Variants in GRXCR1 observed in about 807,000 individuals in gnomAD.
GRXCR1 encodes glutaredoxin and cysteine rich domain containing 1.
Under a neutral mutation model 27.3 loss-of-function variants are expected in GRXCR1, and 27 were observed. The observed-to-expected ratio is 0.99, with a 90% CI of 0.73 to 1.37. GRXCR1 has a LOEUF of 1.37. GRXCR1 is among the 40% of genes most tolerant of loss of function. The probability of loss-of-function intolerance (pLI) is 0.00; values close to 1 mark genes in which losing one functional copy is unlikely to be tolerated. For synonymous variants in GRXCR1, 122 were observed against 131.1 expected (o/e 0.93, Z 0.47); for missense variants, 379 against 354.4 (o/e 1.07, Z -0.56).
intron 2 of GRXCR1, among the ~76,000 whole-genome samples, chr4:42,988,325 C>T (rs867412755): frequency 1.3e-5 from 2 of 152,002 alleles, no homozygotes; most frequent in African/African-American, 4.8e-5. Flanking sequence ...CAGAGTGACA[C>T]CACATTTCCG....
At chr4:42,972,565 A>G (rs563429753) in intron 2 of GRXCR1, among the ~76,000 whole-genome samples, 30 of 152,316 alleles carry the variant, frequency 2.0e-4, no homozygotes, top group African/African-American at 7.2e-4. Flanking sequence ...CATAAGAACA[A>G]TGACAATGAT....
intron 1 of GRXCR1, among the ~76,000 whole-genome samples, chr4:42,955,539 C>A (rs1747982101): frequency 6.6e-6 from 1 of 152,040 alleles, no homozygotes; most frequent in Non-Finnish European, 1.5e-5. Flanking sequence ...TCTAATTTTG[C>A]TGAACGTCAA....
At chr4:42,908,780 A>G (rs940434864) in intron 1 of GRXCR1, among the ~76,000 whole-genome samples, 2 of 152,220 alleles carry the variant, frequency 1.3e-5, no homozygotes, top group Non-Finnish European at 2.9e-5. Flanking sequence ...AACAAATTGC[A>G]TGAATACAGG....
intron 2 of GRXCR1, among the ~76,000 whole-genome samples, chr4:42,973,787 C>A (rs1440777394): frequency 6.6e-6 from 1 of 152,044 alleles, no homozygotes; most frequent in Admixed American, 6.6e-5. Flanking sequence ...GTTATTTGAT[C>A]CCCTTTCAAT....
chr4:42,914,039 A>G (rs745798824), intron 1 of GRXCR1, among the ~76,000 whole-genome samples: 6 of 152,242 alleles, frequency 3.9e-5, no homozygotes, highest in Non-Finnish European at 5.9e-5. Context: ...ATTTCCAGGC[A>G]GAAGTTTGCT....
At chr4:42,987,222 T>TATATATATTATATA (rs369022273) in intron 2 of GRXCR1, among the ~76,000 whole-genome samples, 10 of 100,594 alleles carry the variant, frequency 9.9e-5, no homozygotes, top group African/African-American at 3.4e-4. Context: ...TATATATATA[T>TATATATATTATATA]TATATATTAT....
chr4:42,987,241 A>ATATTATATAT (rs1276367661), intron 2 of GRXCR1, among the ~76,000 whole-genome samples: 1 of 66,466 alleles, frequency 1.5e-5, no homozygotes, highest in East Asian at 4.0e-4. Context: ...ATATATATAT[A>ATATTATATAT]ATATATAATA....
chr4:42,913,165 T>G (rs996645626), intron 1 of GRXCR1, among the ~76,000 whole-genome samples: 2 of 152,108 alleles, frequency 1.3e-5, no homozygotes, highest in Admixed American at 1.3e-4. Context: ...AATAAATCAG[T>G]ACCAGGAGTG....
intron 2 of GRXCR1, among the ~76,000 whole-genome samples, chr4:43,003,608 C>T (rs1487277412): frequency 6.6e-6 from 1 of 152,220 alleles, no homozygotes; most frequent in East Asian, 1.9e-4. Context: ...GCAAAGGTCA[C>T]TCTTGTTATG....
At position 42,900,658 on chromosome 4, in the gene GRXCR1, C is replaced by T. The variant is rs530417421; in HGVS notation, c.384+7008C>T. ...AGATAGATTTTGTCAGATGAGAAGG[C>T]TCTGGGGAATTGTGTTATTACAGGT... On this transcript the variant is annotated intron_variant, in intron 1 of 3. Transcript: ENST00000399770. Among the ~76,000 whole-genome samples the T allele has an allele frequency of 2.6e-5, 4 of 152,154 alleles. No individual in the cohort carries two copies. The South Asian group carries it at 8.3e-4, about 32-fold the overall frequency.
chr4:42,903,397 T>C (rs975867217), intron 1 of GRXCR1, among the ~76,000 whole-genome samples: 23 of 138,346 alleles, frequency 1.7e-4, no homozygotes, highest in East Asian at 2.8e-4. Flanking sequence ...CTGCAAGCTC[T>C]GCCTCCTGGG....
At chr4:42,957,007 T>C (rs1021818530) in intron 1 of GRXCR1, among the ~76,000 whole-genome samples, 2 of 152,054 alleles carry the variant, frequency 1.3e-5, no homozygotes, top group East Asian at 3.9e-4. Flanking sequence ...AGTCACTTAA[T>C]ACCATTCCAT....
chr4:42,990,785 A>G (rs1461196215), intron 2 of GRXCR1, among the ~76,000 whole-genome samples: 3 of 152,130 alleles, frequency 2.0e-5, no homozygotes, highest in Non-Finnish European at 2.9e-5. Context: ...TAATTTTTGT[A>G]AAATGTTCAT....
intron 1 of GRXCR1, among the ~76,000 whole-genome samples, chr4:42,905,266 A>T (rs1445546023): frequency 6.6e-6 from 1 of 152,216 alleles, no homozygotes; most frequent in South Asian, 2.1e-4. Flanking sequence ...TCAGCCAGCC[A>T]CCCACATGCC....
intron 2 of GRXCR1, among the ~76,000 whole-genome samples, chr4:42,966,744 T>C (rs1365671989): frequency 6.6e-6 from 1 of 152,152 alleles, no homozygotes. Flanking sequence ...CTAATAGATG[T>C]GTAGAGATAT....
chr4:43,006,640 A>G (rs977719201), intron 2 of GRXCR1, among the ~76,000 whole-genome samples: 1 of 152,188 alleles, frequency 6.6e-6, no homozygotes, highest in Non-Finnish European at 1.5e-5. Context: ...ATCAATGACA[A>G]TGGTGCCCGA....
At chr4:42,986,052 GCAGGCTTCCTTATGCT>G (rs1294173575) in intron 2 of GRXCR1, among the ~76,000 whole-genome samples, 3 of 152,142 alleles carry the variant, frequency 2.0e-5, no homozygotes, top group Middle Eastern at 3.2e-3. Flanking sequence ...GAGCCAAGTT[GCAGGCTTCCTTATGCT>G]CAGGTAGGTT....
chr4:42,969,630 A>G (rs978402879), intron 2 of GRXCR1, among the ~76,000 whole-genome samples: 3 of 152,126 alleles, frequency 2.0e-5, no homozygotes, highest in Non-Finnish European at 4.4e-5. Flanking sequence ...AGAACCTGCT[A>G]TCATGAGAAC....
At chr4:43,020,897 C>T (rs1229986675) in intron 3 of GRXCR1, among the ~76,000 whole-genome samples, 1 of 152,166 alleles carries the variant, frequency 6.6e-6, no homozygotes, top group Non-Finnish European at 1.5e-5. Flanking sequence ...TATTCAAATA[C>T]TTATAAAATT....
Sources: gnomAD v4.1 joint callset for allele counts (sites outside exome capture counted in the v4.1 genomes callset) on GRCh38, gnomAD v4.1.1 for gene constraint, MANE v1.5 for transcripts, NCBI Gene and HGNC (gene_info 2026-07-23, HGNC 2026-07-21) for gene names.